ELMO2: variants seen among roughly 807,000 people sequenced by gnomAD.
ELMO2 encodes engulfment and cell motility 2.
ELMO2 carries 37 observed loss-of-function variants against 96.2 expected under a neutral mutation model. The observed-to-expected ratio is 0.38, with a 90% CI of 0.30 to 0.51. The LOEUF (loss-of-function observed/expected upper bound fraction) is 0.51. Ranked by LOEUF, ELMO2 falls within the 20% of genes least tolerant of loss-of-function variation. The pLI is 0.88. For missense variants in ELMO2, 561 were observed against 912.6 expected (o/e 0.61, Z 4.96); for synonymous variants, 315 against 329.4 (o/e 0.96, Z 0.47).
chr20:46,401,787 C>T (rs1053540810), intron 1 of ELMO2, among the ~76,000 whole-genome samples: 1 of 152,170 alleles, frequency 6.6e-6, no homozygotes, highest in African/African-American at 2.4e-5. Context: ...TCAACTCAAC[C>T]TTCAAGGCCC....
At chr20:46,405,302 G>A (rs191450918) in intron 1 of ELMO2, among the ~76,000 whole-genome samples, 6 of 152,330 alleles carry the variant, frequency 3.9e-5, no homozygotes, top group Non-Finnish European at 7.3e-5. Context: ...TGATGCTTAA[G>A]CGGAGATCTG....
intron 13 of ELMO2, among the ~76,000 whole-genome samples, chr20:46,374,902 C>A (rs1218500964): frequency 1.3e-5 from 2 of 152,184 alleles, no homozygotes; most frequent in African/African-American, 2.4e-5. Flanking sequence ...TTCCAGTTAA[C>A]CCCATCCTCA....
chr20:46,373,289 G>A (rs2059768878), intron 16 of ELMO2, 110 bp downstream of exon 16: 2 of 1,485,356 alleles, frequency 1.3e-6, no homozygotes, highest in Non-Finnish European at 1.8e-6. Context: ...CAGTTCTGCA[G>A]ACCAAGCTGC....
intron 1 of ELMO2, among the ~76,000 whole-genome samples, chr20:46,404,651 G>C (rs1171498528): frequency 1.3e-5 from 2 of 152,184 alleles, no homozygotes; most frequent in East Asian, 3.8e-4. Flanking sequence ...CCTGGCCATA[G>C]GTGGTTACTA....
At chr20:46,383,230 C>T (rs1267881724) in intron 10 of ELMO2, among the ~76,000 whole-genome samples, 186 bp downstream of exon 10, 1 of 152,194 alleles carries the variant, frequency 6.6e-6, no homozygotes, top group Non-Finnish European at 1.5e-5. Context: ...CAGCTGGTTT[C>T]CCCTCATAGG....
intron 21 of ELMO2, among the ~76,000 whole-genome samples, chr20:46,368,206 C>A (rs2059624237): frequency 6.6e-6 from 1 of 152,170 alleles, no homozygotes; most frequent in African/African-American, 2.4e-5. Context: ...GCAGCTCAGG[C>A]CCTGCCCAAG....
rs900320305 is a variant in ELMO2 at position 46,372,635 on chromosome 20, AAAAC to A, written c.1417-670_1417-667del. Among the ~76,000 whole-genome samples the A allele has an allele frequency of 4.9e-4, 74 of 152,328 alleles. 1 individual carries two copies. Among genetic ancestry groups the A allele is most frequent in the South Asian group, 1.9e-3 (9 of 4,828 alleles). On this transcript the variant is annotated intron_variant, in intron 16 of 21. Transcript: ENST00000290246. Reference sequence around the variant, plus strand: ...GACAAGAGTGAAACTCTGTCTCAAAAAAACAAACAAAAGAATAGAAAGGCAAGCG... The same window carrying A: ...GACAAGAGTGAAACTCTGTCTCAAAAAAACAAAAGAATAGAAAGGCAAGCG...
chr20:46,393,703 A>G, intron 4 of ELMO2, 102 bp from the exon 5 acceptor site: 10 of 1,285,856 alleles, frequency 7.8e-6, no homozygotes, highest in Non-Finnish European at 1.1e-5. Context: ...TGGGTGGCCT[A>G]TTTGGAATAC....
At chr20:46,382,671 T>G (rs1466000449) in intron 10 of ELMO2, among the ~76,000 whole-genome samples, 1 of 152,144 alleles carries the variant, frequency 6.6e-6, no homozygotes. Context: ...GGCTCTTAGG[T>G]CAGTGTTTGT....
chr20:46,403,135 C>G (rs927807615), intron 1 of ELMO2, among the ~76,000 whole-genome samples: 1 of 152,188 alleles, frequency 6.6e-6, no homozygotes, highest in Non-Finnish European at 1.5e-5. Flanking sequence ...GCTCTGAAAC[C>G]ACGTTTCCCC....
intron 10 of ELMO2, 83 bp downstream of exon 10, chr20:46,383,333 G>T: frequency 1.5e-6 from 2 of 1,352,522 alleles, no homozygotes; most frequent in East Asian, 2.3e-5. Context: ...CTGGATTTGT[G>T]CTCTCTGCAT....
intron 6 of ELMO2, 113 bp from the exon 7 acceptor site, chr20:46,389,333 T>G (rs1276614108): frequency 9.1e-7 from 1 of 1,095,976 alleles, no homozygotes; most frequent in African/African-American, 1.6e-5. Flanking sequence ...CAGAACTAGT[T>G]TTTTCACACA....
chr20:46,376,875 C>G (rs896688104), intron 11 of ELMO2: 1 of 1,187,948 alleles, frequency 8.4e-7, no homozygotes, highest in African/African-American at 1.6e-5. Context: ...GCATTTAAAT[C>G]AGTTAAAACA....
chr20:46,403,067 T>C (rs2060361929), intron 1 of ELMO2, among the ~76,000 whole-genome samples: 1 of 152,170 alleles, frequency 6.6e-6, no homozygotes, highest in Admixed American at 6.5e-5. Context: ...AGTGGGATAA[T>C]AAAGCACTAA....
chr20:46,398,292 G>A (rs1300794021), intron 2 of ELMO2, among the ~76,000 whole-genome samples: 2 of 152,012 alleles, frequency 1.3e-5, no homozygotes, highest in Non-Finnish European at 2.9e-5. Context: ...TAACGTACAG[G>A]TAGCCTCTTT....
intron 11 of ELMO2, among the ~76,000 whole-genome samples, chr20:46,377,529 C>T (rs1030261835): frequency 2.6e-5 from 4 of 152,162 alleles, no homozygotes; most frequent in East Asian, 1.9e-4. Flanking sequence ...GAGCCACATA[C>T]GGATATTTAA....
chr20:46,372,015 A>G, intron 16 of ELMO2, 46 bp from the exon 17 acceptor site: 7 of 1,610,906 alleles, frequency 4.3e-6, no homozygotes, highest in Non-Finnish European at 5.9e-6. Context: ...ACTCTTGAGA[A>G]ATGGACAGGC....
At chr20:46,369,751 G>C (rs1027192773) in intron 20 of ELMO2, 3 of 181,976 alleles carry the variant, frequency 1.6e-5, no homozygotes, top group African/African-American at 4.8e-5. Flanking sequence ...CCAATGTACA[G>C]ATCTGGGACA....
chr20:46,387,226 A>G, intron 8 of ELMO2, 112 bp downstream of exon 8: 1 of 840,046 alleles, frequency 1.2e-6, no homozygotes, highest in Non-Finnish European at 1.9e-6. Flanking sequence ...ATCTGGCCCC[A>G]GGGAATATAA....
Sources: gnomAD v4.1 joint callset for allele counts (sites outside exome capture counted in the v4.1 genomes callset) on GRCh38, gnomAD v4.1.1 for gene constraint, MANE v1.5 for transcripts, NCBI Gene and HGNC (gene_info 2026-07-23, HGNC 2026-07-21) for gene names.